BRCA1: variants seen among roughly 807,000 people sequenced by gnomAD.
BRCA1 encodes breast cancer type 1 susceptibility protein.
Under a neutral mutation model 173.7 loss-of-function variants are expected in BRCA1, and 140 were observed. The observed-to-expected ratio is 0.81, with a 90% CI of 0.70 to 0.93. The LOEUF is 0.93. Among genes scored for constraint, BRCA1 ranks in the 40% least tolerant of loss-of-function variants. BRCA1 has a pLI of 0.00. For missense variants in BRCA1, 1,983 were observed against 2,172.5 expected, an observed-to-expected ratio of 0.91 and a Z score of 1.73; for synonymous variants, 662 against 756.0, an observed-to-expected ratio of 0.88 and a Z score of 2.04.
rs1158334695 is a variant in BRCA1 at position 43,125,330 on chromosome 17, C to T, written c.-79G>A. On this transcript the variant is annotated 5_prime_UTR_variant, in exon 1 of 23. Transcript: ENST00000357654. ...CGCAGGGGCCCAGTTATCTGAGAAA[C>T]CCCACAGCCTGTCCCCCGTCCAGGA... 8.8e-6 allele frequency: 4 copies of T among 452,006 alleles called. No individual in the cohort carries two copies. Among genetic ancestry groups the T allele is most frequent in the South Asian group, 6.2e-5 (4 of 64,462 alleles). The allele number at this position is 452,006 out of a possible 1,614,324, so 28.0% of individuals were successfully genotyped here.
chr17:43,104,070 G>GAA, intron 6 of BRCA1, 52 bp downstream of exon 6: 4 of 704,866 alleles, frequency 5.7e-6, no homozygotes, highest in Non-Finnish European at 4.0e-6. Flanking sequence ...AAAAAAAAAA[G>GAA]AAAAAAAAAA....
intron 3 of BRCA1, among the ~76,000 whole-genome samples, chr17:43,114,406 T>G (rs190285961): frequency 6.6e-6 from 1 of 151,194 alleles, no homozygotes; most frequent in African/African-American, 2.4e-5. Context: ...TTTTTTTTTT[T>G]GAGTCTCCCT....
rs192009539 is a variant in BRCA1, at chr17:43,134,896, C to T, written c.-19-10781G>A. On this transcript the variant is annotated intron_variant, in intron 1 of 7. Coordinates refer to the BRCA1 transcript ENST00000634433. ...TCCTAACCCAGAGAGGCCAAAGGAG[C>T]ACAGGACGCCCAGGCCGAGGGCAGT... Among the ~76,000 whole-genome samples the T allele has an allele frequency of 8.5e-5, 13 of 152,346 alleles. No homozygotes were observed. In the East Asian group the frequency reaches 2.3e-3, roughly 27 times the overall value.
chr17:43,048,689 T>G (rs935786354), intron 21 of BRCA1, among the ~76,000 whole-genome samples: 2 of 78,468 alleles, frequency 2.5e-5, no homozygotes, highest in African/African-American at 7.3e-5. Context: ...TACTTTTTGT[T>G]TTTTTTTTTT....
At chr17:43,100,620 C>CT (rs2054375110) in intron 6 of BRCA1, among the ~76,000 whole-genome samples, 1 of 11,920 alleles carries the variant, frequency 8.4e-5, no homozygotes, top group African/African-American at 1.6e-4. Flanking sequence ...ATATATATAA[C>CT]ATATATATAT....
At chr17:43,101,091 T>C (rs1192948005) in intron 6 of BRCA1, among the ~76,000 whole-genome samples, 1 of 151,906 alleles carries the variant, frequency 6.6e-6, no homozygotes, top group East Asian at 1.9e-4. Context: ...TAAGAACATT[T>C]AGTATAGGAA....
chr17:43,082,740 T>C (rs1254508137), intron 11 of BRCA1, 165 bp from the exon 12 acceptor site: 1 of 713,434 alleles, frequency 1.4e-6, no homozygotes, highest in African/African-American at 1.8e-5. Context: ...ATTCATGCAA[T>C]TAATGCCCAT....
intron 2 of BRCA1, among the ~76,000 whole-genome samples, chr17:43,123,333 GACA>G (rs2055673341): frequency 6.9e-6 from 1 of 145,198 alleles, no homozygotes; most frequent in Admixed American, 6.9e-5. Context: ...TCCTCTCAAC[GACA>G]CCGATCATCC....
intron 18 of BRCA1, among the ~76,000 whole-genome samples, chr17:43,062,517 CTT>C (rs978026221): frequency 1.8e-4 from 28 of 152,182 alleles, no homozygotes; most frequent in African/African-American, 6.8e-4. Context: ...ACTCCTTTTC[CTT>C]TCTCTTTTCC....
At chr17:43,064,222 C>T (rs185288076) in intron 16 of BRCA1, among the ~76,000 whole-genome samples, 6 of 152,282 alleles carry the variant, frequency 3.9e-5, no homozygotes, top group East Asian at 1.9e-4. Context: ...ATCTTCTAGA[C>T]GCCAAGGCTA....
intron 1 of BRCA1, among the ~76,000 whole-genome samples, chr17:43,157,083 C>T (rs182270832): frequency 2.0e-5 from 3 of 152,134 alleles, no homozygotes; most frequent in Non-Finnish European, 4.4e-5. Flanking sequence ...CACCGGGGAA[C>T]ACATTTTAGC....
chr17:43,079,263 C>T (rs999181037), intron 12 of BRCA1: 5 of 1,215,886 alleles, frequency 4.1e-6, no homozygotes, highest in Admixed American at 1.7e-5. Flanking sequence ...GTCATTCCTC[C>T]TTTTGGCCAG....
chr17:43,150,819 G>A (rs968771808), intron 1 of BRCA1, among the ~76,000 whole-genome samples: 2 of 152,058 alleles, frequency 1.3e-5, no homozygotes, highest in Non-Finnish European at 2.9e-5. Context: ...AGTGAGTCAG[G>A]GTGACCAAGT....
At chr17:43,152,155 T>C (rs1032541173) in intron 1 of BRCA1, among the ~76,000 whole-genome samples, 1 of 152,194 alleles carries the variant, frequency 6.6e-6, no homozygotes, top group African/African-American at 2.4e-5. Flanking sequence ...ATGGTGAATT[T>C]TGGTTTGTTT....
chr17:43,123,917 G>A (rs2055705850), intron 2 of BRCA1, 100 bp downstream of exon 2: 4 of 922,838 alleles, frequency 4.3e-6, no homozygotes, highest in South Asian at 1.4e-5. Flanking sequence ...AATCTTACTA[G>A]ACATGTCTTT....
intron 6 of BRCA1, among the ~76,000 whole-genome samples, 155 bp downstream of exon 6, chr17:43,103,967 C>T (rs555607249): frequency 6.6e-6 from 1 of 150,980 alleles, no homozygotes; most frequent in Non-Finnish European, 1.5e-5. Flanking sequence ...ATTAGCCTGG[C>T]ATGGTGGCGC....
rs2053439893 is a variant in BRCA1 at position 43,090,991 on chromosome 17, C to T, written c.4138G>A (p.Glu1380Lys). ...TGAGAGGATAGCCCTGAGCAGTCTT[C>T]AGAGACGCTTGTTTCACTCTCACAC... ...SGCESETSVS[E>K]DCSGLSSQSD... is the part of the protein sequence containing the mutation. Residue 1380 changes from glutamate to lysine, a missense_variant, in exon 11 of 23, where the codon GAA becomes AAA. By Grantham distance (56) the Glu-to-Lys change is moderately conservative. Transcript: ENST00000357654. 6.2e-7 allele frequency: 1 copy of T among 1,612,926 alleles called. No individual in the cohort carries two copies. The highest frequency in any genetic ancestry group is 8.5e-7 in the Non-Finnish European group (1 of 1,179,568).
chr17:43,102,659 CTT>C (rs879555758), intron 6 of BRCA1, among the ~76,000 whole-genome samples: 2 of 143,024 alleles, frequency 1.4e-5, no homozygotes, highest in Admixed American at 7.1e-5. Context: ...CCAGCCAGTT[CTT>C]TTTTTTTTTG....
upstream of BRCA1, among the ~76,000 whole-genome samples, chr17:43,126,870 C>A (rs144412026): frequency 6.6e-6 from 1 of 152,040 alleles, no homozygotes; most frequent in Non-Finnish European, 1.5e-5. Flanking sequence ...TGGGGCTGCG[C>A]GCAGCGCTCG....
Sources: allele counts gnomAD v4.1 joint callset (sites outside exome capture counted in the v4.1 genomes callset), GRCh38; gene constraint gnomAD v4.1.1; transcripts MANE v1.5; gene names NCBI Gene and HGNC (gene_info 2026-07-23, HGNC 2026-07-21).